The following CSMD2 variants were observed in gnomAD, a reference collection of about 807,000 sequenced individuals.
CSMD2 encodes CUB and sushi domain-containing protein 2.
In CSMD2, 130 loss-of-function variants were observed where a neutral mutation model predicts 398.5. The ratio of observed to expected loss-of-function variants is 0.33; its 90% CI spans 0.28 to 0.38. The LOEUF (loss-of-function observed/expected upper bound fraction) is 0.38. Among genes scored for constraint, CSMD2 ranks in the 10% least tolerant of loss-of-function variants. CSMD2 has a pLI of 1.00. For missense variants in CSMD2, 3,829 were observed against 4,764.9 expected (o/e 0.80, Z 5.78); for synonymous variants, 1,828 against 1,908.5 (o/e 0.96, Z 1.10).
At chr1:33,821,271 C>G (rs751234332) in intron 7 of CSMD2, among the ~76,000 whole-genome samples, 21 of 152,176 alleles carry the variant, frequency 1.4e-4, no homozygotes, top group Non-Finnish European at 2.2e-4. Context: ...AAACCATATG[C>G]ACAGTTGTCT....
chr1:33,997,471 C>T (rs975885090), intron 3 of CSMD2, among the ~76,000 whole-genome samples: 1 of 152,194 alleles, frequency 6.6e-6, no homozygotes, highest in African/African-American at 2.4e-5. Context: ...TATGTTGGGA[C>T]CGCATCCCAG....
intron 5 of CSMD2, among the ~76,000 whole-genome samples, chr1:33,904,187 T>G (rs555989259): frequency 3.9e-5 from 6 of 152,274 alleles, no homozygotes; most frequent in Non-Finnish European, 1.5e-5. Context: ...ATCTGCAGAA[T>G]GGATTACAGA....
chr1:33,653,878 A>G (rs1643876471), intron 27 of CSMD2, among the ~76,000 whole-genome samples: 1 of 152,224 alleles, frequency 6.6e-6, no homozygotes. Flanking sequence ...ATCCAAGATG[A>G]GTCTTTGTGG....
chr1:33,588,215 A>T (rs1182747404), intron 44 of CSMD2, among the ~76,000 whole-genome samples: 1 of 152,216 alleles, frequency 6.6e-6, no homozygotes, highest in Non-Finnish European at 1.5e-5. Flanking sequence ...AATTTCCCAT[A>T]TAATTACATT....
chr1:33,892,719 G>T (rs1642111586), intron 5 of CSMD2, among the ~76,000 whole-genome samples: 1 of 152,184 alleles, frequency 6.6e-6, no homozygotes, highest in Non-Finnish European at 1.5e-5. Flanking sequence ...TCCACTCATT[G>T]GTTGATGGGC....
chr1:33,786,809 C>A (rs958527866), intron 12 of CSMD2, among the ~76,000 whole-genome samples: 4 of 152,194 alleles, frequency 2.6e-5, no homozygotes, highest in African/African-American at 7.2e-5. Context: ...CTTAAAAAAT[C>A]TCAGTATAGC....
Position 33,623,460 on chromosome 1 carries a change from C to T in CSMD2, c.5632G>A (p.Val1878Ile). Residue 1878 changes from valine to isoleucine, a missense_variant, in exon 36 of 71, where the codon GTT (valine) becomes ATT (isoleucine). Val to Ile is a conservative substitution (Grantham distance 29). Coordinates refer to ENST00000373381, the MANE Select transcript of CSMD2 (RefSeq NM_001281956.2). ...VPEGAGIQIQ[V>I]VSFVTEQNWD... ...TTCTGCTCTGTCACAAAACTGACAA[C>T]TTGGATCTGGGAAGGGAGAAGAGTG... is the stretch of plus-strand genomic sequence containing the variant. 2 of 1,613,880 alleles carry T rather than the reference C, an allele frequency of 1.2e-6. No homozygotes were observed.
At chr1:33,712,424 A>G (rs147614805) in intron 21 of CSMD2, among the ~76,000 whole-genome samples, 1 of 152,100 alleles carries the variant, frequency 6.6e-6, no homozygotes, top group Non-Finnish European at 1.5e-5. Flanking sequence ...AAATCATCCA[A>G]TTTGCATGGC....
chr1:33,607,761 G>A (rs991147096), intron 41 of CSMD2, among the ~76,000 whole-genome samples: 1 of 152,226 alleles, frequency 6.6e-6, no homozygotes, highest in Non-Finnish European at 1.5e-5. Context: ...GAACGCTGAG[G>A]GAGTGGCTGT....
chr1:34,058,325 A>T (rs1384503059), intron 2 of CSMD2, among the ~76,000 whole-genome samples: 1 of 152,152 alleles, frequency 6.6e-6, no homozygotes, highest in African/African-American at 2.4e-5. Flanking sequence ...TGATGATTCA[A>T]TGGGGTGCTA....
rs571378098 is a variant in CSMD2 at position 33,543,093 on chromosome 1, A to G, written c.9101-197T>C. Reference sequence around the variant, plus strand: ...CCCTATGAATCTTTTGAAATTTCTGAGCAAATTCCAGTTTTTTACAGAAAA... The same window carrying G: ...CCCTATGAATCTTTTGAAATTTCTGGGCAAATTCCAGTTTTTTACAGAAAA... On this transcript the variant is annotated intron_variant, in intron 57 of 70. Coordinates refer to ENST00000373381, the MANE Select transcript of CSMD2 (RefSeq NM_001281956.2). 2.6e-5 allele frequency among the ~76,000 whole-genome samples: 4 copies of G among 152,324 alleles called. No individual in the cohort carries two copies. In the South Asian group the frequency reaches 8.3e-4, roughly 32 times the overall value.
chr1:34,044,381 G>A (rs1652238949), intron 2 of CSMD2, among the ~76,000 whole-genome samples: 1 of 152,210 alleles, frequency 6.6e-6, no homozygotes, highest in South Asian at 2.1e-4. Context: ...AATAGATTAT[G>A]TAACAGATCC....
intron 5 of CSMD2, among the ~76,000 whole-genome samples, chr1:33,865,519 C>T (rs1263000900): frequency 6.6e-6 from 1 of 151,998 alleles, no homozygotes; most frequent in Non-Finnish European, 1.5e-5. Context: ...GACTCCCTTT[C>T]GTGACCAAGG....
chr1:33,572,556 C>T lies in CSMD2; in HGVS notation c.7712G>A (p.Cys2571Tyr). Residue 2571 changes from cysteine (C) to tyrosine (Y), a missense_variant, in exon 50 of 71, where the codon TGT becomes TAT. Coordinates refer to ENST00000373381, the MANE Select transcript of CSMD2 (RefSeq NM_001281956.2). ...GTTGCTCCATAGGCCTGTGTCCAGA[C>T]ACTCTGCAGTGGCCTCAGCGCCTGC... ...LQAGAEATAE[C>Y]LDTGLWSNRN... 6.2e-7 allele frequency: 1 copy of T among 1,614,050 alleles called. No homozygotes were observed. The highest frequency in any genetic ancestry group is 8.5e-7 in the Non-Finnish European group (1 of 1,180,000).
At chr1:33,731,945 G>A (rs191558203) in intron 15 of CSMD2, among the ~76,000 whole-genome samples, 2 of 152,126 alleles carry the variant, frequency 1.3e-5, no homozygotes, top group Non-Finnish European at 2.9e-5. Flanking sequence ...TGGGGGAATG[G>A]GTGGGGATAT....
chr1:33,727,048 C>T (rs1475969605), intron 15 of CSMD2, among the ~76,000 whole-genome samples: 2 of 152,194 alleles, frequency 1.3e-5, no homozygotes, highest in Admixed American at 6.5e-5. Context: ...CTCCTCACAT[C>T]TGGCCCTGGA....
chr1:34,065,817 G>A (rs1655047655), intron 2 of CSMD2, among the ~76,000 whole-genome samples: 1 of 152,114 alleles, frequency 6.6e-6, no homozygotes. Context: ...TCAAAGATGA[G>A]TTTCAAGTAG....
At chr1:34,006,474 G>A (rs972077630) in intron 3 of CSMD2, among the ~76,000 whole-genome samples, 1 of 152,124 alleles carries the variant, frequency 6.6e-6, no homozygotes, top group African/African-American at 2.4e-5. Flanking sequence ...TGTTTCCAGA[G>A]GAACTTCTCT....
chr1:34,045,044 C>T (rs1044693973), intron 2 of CSMD2, among the ~76,000 whole-genome samples: 1,460 of 40,534 alleles, frequency 0.036, 19 homozygotes, highest in African/African-American at 0.073. Context: ...ACCATACACA[C>T]ACACACACAC....
Sources: allele counts gnomAD v4.1 joint callset (sites outside exome capture counted in the v4.1 genomes callset), GRCh38; gene constraint gnomAD v4.1.1; transcripts MANE v1.5; gene names NCBI Gene and HGNC (gene_info 2026-07-23, HGNC 2026-07-21).